PKP2: variants seen among roughly 807,000 people sequenced by gnomAD.
The protein encoded by PKP2 is plakophilin 2.
In PKP2, 73 loss-of-function variants were observed where a neutral mutation model predicts 83.4. The ratio of observed to expected loss-of-function variants is 0.88; its 90% CI spans 0.72 to 1.06. The LOEUF (loss-of-function observed/expected upper bound fraction) is 1.06. Among genes scored for constraint, PKP2 ranks in the 50% least tolerant of loss-of-function variants. The pLI is 0.00. For synonymous variants in PKP2, 409 were observed against 430.4 expected (o/e 0.95, Z 0.62); for missense variants, 966 against 1,065.4 (o/e 0.91, Z 1.30).
At chr12:32,847,722 C>T (rs1242518396) in intron 5 of PKP2, among the ~76,000 whole-genome samples, 1 of 152,174 alleles carries the variant, frequency 6.6e-6, no homozygotes, top group Admixed American at 6.5e-5. Context: ...AAACACCAAT[C>T]CAAAGCCTAT....
chr12:32,844,672 A>T (rs1325691804), intron 5 of PKP2, among the ~76,000 whole-genome samples: 1 of 152,200 alleles, frequency 6.6e-6, no homozygotes, highest in Non-Finnish European at 1.5e-5. Flanking sequence ...CTATCACTAG[A>T]GGGAATAAAA....
chr12:32,846,642 G>A (rs770147645), intron 5 of PKP2, among the ~76,000 whole-genome samples: 1 of 151,750 alleles, frequency 6.6e-6, no homozygotes, highest in African/African-American at 2.4e-5. Flanking sequence ...CTACTTGGGA[G>A]GCTAAGGCAG....
chr12:32,837,595 G>A (rs917262479), intron 6 of PKP2, among the ~76,000 whole-genome samples: 1 of 152,182 alleles, frequency 6.6e-6, no homozygotes, highest in South Asian at 2.1e-4. Flanking sequence ...GCTTTTGGAA[G>A]GTGAAATTCA....
At chr12:32,850,727 G>T (rs769434971) in intron 5 of PKP2, 39 bp downstream of exon 5, 12 of 1,493,482 alleles carry the variant, frequency 8.0e-6, no homozygotes, top group Middle Eastern at 2.4e-4. Flanking sequence ...TGGCTGGGGT[G>T]CAAATGTGTT....
Position 32,870,030 on chromosome 12 carries a change from AAAAC to A in PKP2, c.1035-972_1035-969del, listed in dbSNP as rs1342894139. On this transcript the variant is annotated intron_variant, in intron 3 of 12. Transcript: ENST00000340811. ...AGCAACAGAGTGAGACTCTGTTTCA[AAAAC>A]AAACAAACAAAATAATGACTAAAGA... Among the ~76,000 whole-genome samples, 5 of 152,344 alleles carry A rather than the reference AAAAC, an allele frequency of 3.3e-5. No homozygotes were observed. The East Asian group carries it at 7.7e-4, about 24-fold the overall frequency.
intron 1 of PKP2, 106 bp downstream of exon 1, chr12:32,896,403 G>A (rs1224655189): frequency 3.5e-6 from 3 of 847,572 alleles, no homozygotes; most frequent in Non-Finnish European, 5.2e-6. Flanking sequence ...CAGGTGGGCA[G>A]AACACGGGGT....
intron 4 of PKP2, among the ~76,000 whole-genome samples, chr12:32,853,508 CTT>C (rs71447625): frequency 8.0e-5 from 11 of 138,102 alleles, no homozygotes; most frequent in Non-Finnish European, 1.1e-4. Flanking sequence ...TAAATTCATA[CTT>C]TTTTTTTTTT....
chr12:32,796,088 G>A (rs535677786), intron 11 of PKP2, 21 bp downstream of exon 11: 16 of 1,596,652 alleles, frequency 1.0e-5, no homozygotes, highest in East Asian at 4.6e-5. Context: ...GGCAGCTGAC[G>A]GGCAGAACTG....
intron 1 of PKP2, among the ~76,000 whole-genome samples, chr12:32,891,370 A>G (rs939395169): frequency 6.6e-6 from 1 of 152,220 alleles, no homozygotes; most frequent in Non-Finnish European, 1.5e-5. Context: ...TAGTTTGCCA[A>G]TAATATGCTT....
At chr12:32,824,218 C>G in intron 6 of PKP2, 56 bp from the exon 7 acceptor site, 1 of 1,214,356 alleles carries the variant, frequency 8.2e-7, no homozygotes, top group East Asian at 2.3e-5. Flanking sequence ...TCCAACAGGT[C>G]TTTGTTTTGA....
At chr12:32,813,324 TGG>T (rs921044032) in intron 9 of PKP2, among the ~76,000 whole-genome samples, 3 of 152,172 alleles carry the variant, frequency 2.0e-5, no homozygotes, top group African/African-American at 7.2e-5. Flanking sequence ...GTATAAACAT[TGG>T]GAAGTAGAAT....
At chr12:32,858,085 A>T (rs1285393887) in intron 4 of PKP2, among the ~76,000 whole-genome samples, 7 of 42,634 alleles carry the variant, frequency 1.6e-4, no homozygotes, top group African/African-American at 6.7e-4. Flanking sequence ...AAAAAAAAAA[A>T]TATATATATA....
At position 32,821,436 on chromosome 12, in the gene PKP2, A is replaced by G. The variant is rs1956375937; in HGVS notation, c.1933T>C (p.Leu645=). The change falls in exon 9 of 13, where the codon TTG becomes CTG. Residue 645 remains leucine (L), a synonymous_variant. Transcript: ENST00000340811. The stretch of plus-strand genomic sequence containing the variant: ...TAGTTGCGGACACTTTTGGCGATCA[A>G]GGACAGATACATCCTTATAACAATG... ...HSIVIRMYLS[L]IAKSVRNYTQ... 6.2e-7 allele frequency: 1 copy of G among 1,614,020 alleles called. No homozygotes were observed. The highest frequency in any genetic ancestry group is 1.3e-5 in the African/African-American group (1 of 74,924).
At chr12:32,889,767 T>C (rs1591833513) in intron 1 of PKP2, among the ~76,000 whole-genome samples, 1 of 152,144 alleles carries the variant, frequency 6.6e-6, no homozygotes, top group South Asian at 2.1e-4. Flanking sequence ...CCCCAGAATG[T>C]AGGCAGACTT....
At chr12:32,864,345 C>A (rs1488190111) in intron 4 of PKP2, among the ~76,000 whole-genome samples, 2 of 148,500 alleles carry the variant, frequency 1.3e-5, no homozygotes, top group African/African-American at 4.9e-5. Flanking sequence ...CACATACACA[C>A]GTAAATATAT....
chr12:32,796,372 T>C (rs1956124844), intron 10 of PKP2, 74 bp from the exon 11 acceptor site: 1 of 1,299,854 alleles, frequency 7.7e-7, no homozygotes, highest in Non-Finnish European at 1.1e-6. Context: ...CAATATATTT[T>C]GGGTGAAGAA....
At chr12:32,835,348 C>G (rs1026110883) in intron 6 of PKP2, among the ~76,000 whole-genome samples, 1 of 151,938 alleles carries the variant, frequency 6.6e-6, no homozygotes, top group Non-Finnish European at 1.5e-5. Flanking sequence ...CCACCGTGCC[C>G]GGCCTACTTT....
chr12:32,862,433 A>C (rs1181208190), intron 4 of PKP2, among the ~76,000 whole-genome samples: 1 of 148,150 alleles, frequency 6.7e-6, no homozygotes, highest in African/African-American at 2.5e-5. Context: ...GATCACCTGA[A>C]GTCGGGAGTT....
At chr12:32,792,587 T>C in intron 12 of PKP2, 57 bp downstream of exon 12, 1 of 1,550,758 alleles carries the variant, frequency 6.4e-7, no homozygotes, top group Non-Finnish European at 8.9e-7. Context: ...TCAAGTCAAG[T>C]GGGCCATTAT....
Sources: gnomAD v4.1 joint callset for allele counts (sites outside exome capture counted in the v4.1 genomes callset) on GRCh38, gnomAD v4.1.1 for gene constraint, MANE v1.5 for transcripts, NCBI Gene and HGNC (gene_info 2026-07-23, HGNC 2026-07-21) for gene names.